Variants in FIP1L1 observed in about 807,000 individuals in gnomAD.
The protein encoded by FIP1L1 is pre-mRNA 3'-end-processing factor FIP1.
In FIP1L1, 21 loss-of-function variants were observed where a neutral mutation model predicts 84.6. The ratio of observed to expected loss-of-function variants is 0.25; its 90% CI spans 0.18 to 0.36. The LOEUF (loss-of-function observed/expected upper bound fraction) is 0.36, where lower values mean the gene tolerates loss of function less well. Ranked by LOEUF, FIP1L1 falls within the 10% of genes least tolerant of loss-of-function variation. The pLI is 1.00. For synonymous variants in FIP1L1, 263 were observed against 242.3 expected (o/e 1.09, Z -0.80); for missense variants, 526 against 751.1 (o/e 0.70, Z 3.50).
chr4:53,398,799 G>A (rs1748755779), intron 9 of FIP1L1, among the ~76,000 whole-genome samples: 1 of 152,144 alleles, frequency 6.6e-6, no homozygotes, highest in East Asian at 1.9e-4. Context: ...GAGCAGAAAG[G>A]TTAGGCAAAT....
At chr4:53,448,345 C>A (rs553575125) in intron 15 of FIP1L1, among the ~76,000 whole-genome samples, 2 of 151,910 alleles carry the variant, frequency 1.3e-5, no homozygotes, top group African/African-American at 4.8e-5. Flanking sequence ...TGTCCCTGTG[C>A]TAATAAATTC....
At chr4:53,429,110 A>G (rs1765494015) in intron 13 of FIP1L1, among the ~76,000 whole-genome samples, 1 of 152,168 alleles carries the variant, frequency 6.6e-6, no homozygotes, top group Admixed American at 6.6e-5. Context: ...TCCCTAACAT[A>G]TTCATCCTTG....
intron 3 of FIP1L1, among the ~76,000 whole-genome samples, chr4:53,381,186 T>C (rs1737674753): frequency 6.6e-6 from 1 of 152,192 alleles, no homozygotes; most frequent in Admixed American, 6.5e-5. Context: ...TTAATGGTGA[T>C]AGAAAATTAA....
chr4:53,381,750 ATTCTTTTTTTTTTT>A (rs1423702300), intron 3 of FIP1L1, among the ~76,000 whole-genome samples: 1 of 63,070 alleles, frequency 1.6e-5, no homozygotes, highest in Admixed American at 1.7e-4. Context: ...AGGCATTTGC[ATTCTTTTTTTTTTT>A]TTTTTTTTTT....
intron 11 of FIP1L1, among the ~76,000 whole-genome samples, chr4:53,423,017 C>G (rs1183829771): frequency 6.6e-6 from 1 of 152,142 alleles, no homozygotes; most frequent in African/African-American, 2.4e-5. Context: ...CTTCAGAGAT[C>G]AATTTATGGC....
intron 10 of FIP1L1, among the ~76,000 whole-genome samples, chr4:53,409,747 C>A (rs1030753521): frequency 6.6e-6 from 1 of 152,212 alleles, no homozygotes; most frequent in Non-Finnish European, 1.5e-5. Context: ...TCTCAGACTG[C>A]TGTGCTAGCA....
At chr4:53,390,363 A>G (rs938198586) in intron 6 of FIP1L1, among the ~76,000 whole-genome samples, 158 bp from the exon 7 acceptor site, 3 of 152,196 alleles carry the variant, frequency 2.0e-5, no homozygotes, top group African/African-American at 4.8e-5. Flanking sequence ...AACCCTTGCC[A>G]GGTTTTTTGC....
intron 10 of FIP1L1, among the ~76,000 whole-genome samples, chr4:53,402,548 A>G (rs1346703203): frequency 6.6e-6 from 1 of 152,142 alleles, no homozygotes; most frequent in African/African-American, 2.4e-5. Context: ...CTAAAAATAC[A>G]AAAATTAGCT....
At chr4:53,454,970 C>T (rs1426821960) in intron 16 of FIP1L1, among the ~76,000 whole-genome samples, 2 of 152,190 alleles carry the variant, frequency 1.3e-5, no homozygotes, top group East Asian at 3.8e-4. Flanking sequence ...TCTACATCAG[C>T]AGTTACTGCT....
rs1341497546 is a variant in FIP1L1, at chr4:53,460,132, C to G, written c.*683C>G. On this transcript the variant is annotated 3_prime_UTR_variant, in exon 18 of 18. Transcript: ENST00000337488. ...TCTTCATTGTGGCACAAATTTAAATCGCCTCATGACCATGTCTGTGAGCCA... is the reference window on the plus strand; with the variant it reads ...TCTTCATTGTGGCACAAATTTAAATGGCCTCATGACCATGTCTGTGAGCCA... The G allele has an allele frequency of 5.0e-6, 1 of 198,394 alleles. No homozygotes were observed. The highest frequency in any genetic ancestry group is 7.8e-5 in the East Asian group (1 of 12,828). The allele number at this position is 198,394 out of a possible 1,614,324, so 12.3% of individuals were successfully genotyped here.
chr4:53,420,878 A>T (rs1196964237), intron 11 of FIP1L1, among the ~76,000 whole-genome samples: 1 of 152,198 alleles, frequency 6.6e-6, no homozygotes, highest in Non-Finnish European at 1.5e-5. Flanking sequence ...TGAAATAAAT[A>T]TTAATTTTTT....
Position 53,428,146 on chromosome 4 carries a change from G to A in FIP1L1, c.1137G>A (p.Pro379=), listed in dbSNP as rs1357500784. 19 of 1,605,844 alleles carry A rather than the reference G, an allele frequency of 1.2e-5. No individual in the cohort carries two copies. The highest frequency in any genetic ancestry group is 1.5e-5 in the Non-Finnish European group (18 of 1,174,438). ...CTCCTCCATTTCTTCCACCTCCTCC[G>A]ACTGTCAGCACTGCTCCACCTCTGA... ...LPPPPFLPPP[P]TVSTAPPLIP... is the part of the protein sequence containing the mutation. Residue 379 remains proline, a synonymous_variant, in exon 13 of 18, where the codon CCG becomes CCA. Coordinates refer to ENST00000337488, the MANE Select transcript of FIP1L1 (RefSeq NM_030917.4).
In FIP1L1 at chr4:53,460,522, AT is replaced by A. The variant is rs553268068; in HGVS notation, c.*1074del. On this transcript the variant is annotated 3_prime_UTR_variant, in exon 18 of 18. Coordinates refer to ENST00000337488, the MANE Select transcript of FIP1L1 (RefSeq NM_030917.4). The stretch of plus-strand genomic sequence containing the variant: ...GTTTCTCAGCAATGCATTTTAAAAA[AT>A]ATTTTAGCTGTAAATTAAAAATGGC... 606 of 206,466 alleles carry A rather than the reference AT, an allele frequency of 2.9e-3. 2 individuals are homozygous for A. Among genetic ancestry groups the A allele is most frequent in the Admixed American group, 4.4e-3 (74 of 16,810 alleles). The allele number at this position is 206,466 out of a possible 1,614,324, so 12.8% of individuals were successfully genotyped here. A position where few individuals can be genotyped will look rare whatever the true frequency, so the allele number is the denominator to read the frequency against.
At chr4:53,398,187 C>CAGT (rs973327391) in intron 9 of FIP1L1, among the ~76,000 whole-genome samples, 8 of 152,178 alleles carry the variant, frequency 5.3e-5, no homozygotes, top group African/African-American at 1.9e-4. Flanking sequence ...ATGATGTTTA[C>CAGT]ATTCTCTCAC....
chr4:53,435,978 A>C (rs184864126), intron 13 of FIP1L1, among the ~76,000 whole-genome samples: 1 of 152,220 alleles, frequency 6.6e-6, no homozygotes, highest in Middle Eastern at 3.2e-3. Flanking sequence ...ATGGCTTTGA[A>C]ATACAAGTCA....
intron 15 of FIP1L1, among the ~76,000 whole-genome samples, chr4:53,445,497 G>A (rs1773809850): frequency 6.6e-6 from 1 of 152,200 alleles, no homozygotes; most frequent in South Asian, 2.1e-4. Flanking sequence ...GGAATGAGTA[G>A]TTCTCAAAGA....
intron 3 of FIP1L1, among the ~76,000 whole-genome samples, chr4:53,380,624 G>T (rs1315552117): frequency 6.6e-6 from 1 of 152,158 alleles, no homozygotes; most frequent in African/African-American, 2.4e-5. Context: ...AATAGCTTAG[G>T]AGGAGCTGAA....
chr4:53,379,840 A>G (rs770722244), intron 3 of FIP1L1, among the ~76,000 whole-genome samples: 47 of 152,228 alleles, frequency 3.1e-4, no homozygotes, highest in African/African-American at 4.8e-4. Context: ...AAAGCAAGCC[A>G]TGTAAAGAAG....
intron 8 of FIP1L1, 141 bp from the exon 9 acceptor site, chr4:53,391,289 C>G: frequency 1.7e-6 from 2 of 1,183,298 alleles, no homozygotes; most frequent in Admixed American, 4.4e-5. Context: ...TCCCTTCCCT[C>G]CCTTTTAGAG....
Sources: allele counts gnomAD v4.1 joint callset (sites outside exome capture counted in the v4.1 genomes callset), GRCh38; gene constraint gnomAD v4.1.1; transcripts MANE v1.5; gene names NCBI Gene and HGNC (gene_info 2026-07-23, HGNC 2026-07-21).